ARID1B: variants seen among roughly 807,000 people sequenced by gnomAD.
ARID1B encodes AT-rich interaction domain 1B.
Under a neutral mutation model 212.3 loss-of-function variants are expected in ARID1B, and 30 were observed. That is an observed-to-expected ratio of 0.14 (90% CI 0.11 to 0.19). The LOEUF is 0.19. ARID1B is among the 10% of genes least tolerant of loss of function. ARID1B has a pLI of 1.00. For missense variants in ARID1B, 2,891 were observed against 3,204.0 expected, an observed-to-expected ratio of 0.90 and a Z score of 2.36; for synonymous variants, 1,402 against 1,301.7, an observed-to-expected ratio of 1.08 and a Z score of -1.66.
chr6:156,988,583 T>G (rs1162678750), intron 4 of ARID1B, among the ~76,000 whole-genome samples: 1 of 152,212 alleles, frequency 6.6e-6, no homozygotes, highest in African/African-American at 2.4e-5. Flanking sequence ...AGTTAAGGAC[T>G]GCCAGAGGAG....
intron 8 of ARID1B, among the ~76,000 whole-genome samples, chr6:157,159,236 A>G (rs1562312356): frequency 6.6e-6 from 1 of 152,270 alleles, no homozygotes; most frequent in Non-Finnish European, 1.5e-5. Flanking sequence ...CCGTAGTAGC[A>G]GAACAATGGG....
At chr6:156,915,434 C>T (rs1476299654) in intron 3 of ARID1B, among the ~76,000 whole-genome samples, 9 of 150,622 alleles carry the variant, frequency 6.0e-5, no homozygotes, top group South Asian at 4.2e-4. Flanking sequence ...CAGGTGTGGT[C>T]GCGCATGCCT....
At chr6:156,802,616 A>C (rs1664585435) in intron 1 of ARID1B, among the ~76,000 whole-genome samples, 1 of 152,196 alleles carries the variant, frequency 6.6e-6, no homozygotes, top group Non-Finnish European at 1.5e-5. Flanking sequence ...AGGATTTCTC[A>C]AGATCCCCAC....
chr6:157,161,196 G>T (rs188584712), intron 8 of ARID1B, among the ~76,000 whole-genome samples: 152 of 152,106 alleles, frequency 1.0e-3, no homozygotes, highest in Non-Finnish European at 1.8e-3. Flanking sequence ...ACTTTTACAC[G>T]AATCTACATT....
chr6:156,857,086 T>C (rs948276058), intron 2 of ARID1B, among the ~76,000 whole-genome samples: 11 of 152,160 alleles, frequency 7.2e-5, no homozygotes, highest in African/African-American at 2.4e-4. Context: ...TGTAGTAAGA[T>C]TTGTCTGTTT....
intron 2 of ARID1B, among the ~76,000 whole-genome samples, chr6:156,854,028 C>T (rs1784750047): frequency 6.6e-6 from 1 of 152,132 alleles, no homozygotes; most frequent in Non-Finnish European, 1.5e-5. Flanking sequence ...CACACTGTGC[C>T]CAGCCCTCCA....
Position 157,148,977 on chromosome 6 carries a change from G to A in ARID1B, c.3089+26G>A. The A allele has an allele frequency of 6.3e-7, 1 of 1,593,326 alleles. No homozygotes were observed. The highest frequency in any genetic ancestry group is 8.6e-7 in the Non-Finnish European group (1 of 1,168,412). Reference sequence around the variant, plus strand: ...GTACGCCACCCAGGAGCACGCCCCGGGCAGGTACGCTGTGTGTCTACCCGT... The same window carrying A: ...GTACGCCACCCAGGAGCACGCCCCGAGCAGGTACGCTGTGTGTCTACCCGT... On this transcript the variant is annotated intron_variant, in intron 8 of 19. Coordinates refer to ENST00000636930, the MANE Select transcript of ARID1B (RefSeq NM_001374828.1). The surrounding 1 kb of genome is among the most constrained non-coding windows in gnomAD (Gnocchi z 5.6).
chr6:157,010,312 T>G (rs1779514187), intron 4 of ARID1B, among the ~76,000 whole-genome samples: 1 of 146,092 alleles, frequency 6.8e-6, no homozygotes, highest in East Asian at 2.1e-4. Flanking sequence ...TTTGTTGTTG[T>G]TGTTGTTTTG....
rs118031116 is a variant in ARID1B at position 157,095,181 on chromosome 6, A to C, written c.2491+10276A>C. ...GAGCCCGAGAGTTTGCATTTCCAAT[A>C]ATTTCTAGTTCTGCTGAAGCTGCTG... On this transcript the variant is annotated intron_variant, in intron 5 of 19. Transcript: ENST00000636930. Among the ~76,000 whole-genome samples the C allele has an allele frequency of 1.8e-3, 277 of 152,240 alleles. 3 individuals are homozygous for C. Among genetic ancestry groups the C allele is most frequent in the Non-Finnish European group, 2.2e-3 (153 of 68,026 alleles).
chr6:156,913,841 C>A (rs192662861), intron 3 of ARID1B, among the ~76,000 whole-genome samples: 2 of 148,724 alleles, frequency 1.3e-5, no homozygotes, highest in African/African-American at 5.0e-5. Context: ...CACTTCCCAA[C>A]AACCAGCCAA....
chr6:157,111,820 A>G lies in ARID1B; in HGVS notation c.2581+1259A>G, dbSNP rs539753338. Among the ~76,000 whole-genome samples, 6 of 152,350 alleles carry G rather than the reference A, an allele frequency of 3.9e-5. No individual in the cohort carries two copies. In the East Asian group the frequency reaches 1.2e-3, roughly 29 times the overall value. ...GTATAGTCGATAATATAATGTTTTA[A>G]TAATGGAATAGTTCATGGTTTTTAA... On this transcript the variant is annotated intron_variant, in intron 6 of 19. Coordinates refer to ENST00000636930, the MANE Select transcript of ARID1B (RefSeq NM_001374828.1).
intron 3 of ARID1B, among the ~76,000 whole-genome samples, chr6:156,926,469 G>A (rs1026039473): frequency 6.6e-6 from 1 of 152,154 alleles, no homozygotes; most frequent in South Asian, 2.1e-4. Flanking sequence ...ATGAAAGCCA[G>A]AGTCAGTCTC....
chr6:157,034,529 T>C (rs1460061624), intron 4 of ARID1B, among the ~76,000 whole-genome samples: 1 of 152,256 alleles, frequency 6.6e-6, no homozygotes, highest in Non-Finnish European at 1.5e-5. Flanking sequence ...TATTGACTTT[T>C]CTGTTATTGT....
intron 3 of ARID1B, among the ~76,000 whole-genome samples, chr6:156,905,246 G>GCACACACACACA (rs1332724351): frequency 5.0e-4 from 38 of 76,044 alleles, no homozygotes; most frequent in African/African-American, 3.0e-3. Flanking sequence ...GCTCACATAT[G>GCACACACACACA]CACGCACACA....
At chr6:156,815,576 T>A (rs1781908171) in intron 1 of ARID1B, among the ~76,000 whole-genome samples, 1 of 152,214 alleles carries the variant, frequency 6.6e-6, no homozygotes, top group Non-Finnish European at 1.5e-5. Context: ...TGACAGCAAC[T>A]GCCTCCTGAA....
intron 7 of ARID1B, among the ~76,000 whole-genome samples, chr6:157,133,873 C>A (rs1254090936): frequency 6.6e-6 from 1 of 152,200 alleles, no homozygotes; most frequent in East Asian, 1.9e-4. Context: ...CAGATACACA[C>A]AGCATCCTTT....
chr6:157,020,485 CT>C (rs1416408214), intron 4 of ARID1B, among the ~76,000 whole-genome samples: 2 of 151,990 alleles, frequency 1.3e-5, no homozygotes, highest in African/African-American at 4.8e-5. Context: ...TTAACCCAAA[CT>C]TTAACTTTTT....
intron 1 of ARID1B, among the ~76,000 whole-genome samples, chr6:156,814,226 G>A (rs1781808101): frequency 6.6e-6 from 1 of 151,982 alleles, no homozygotes; most frequent in South Asian, 2.1e-4. Flanking sequence ...GACCAACCTG[G>A]GCAACATGGC....
intron 4 of ARID1B, among the ~76,000 whole-genome samples, chr6:157,075,361 C>CTT (rs1784237392): frequency 6.6e-6 from 1 of 152,268 alleles, no homozygotes; most frequent in Admixed American, 6.5e-5. Context: ...GAATTCTCTA[C>CTT]TTTTCTAAAG....
Sources: allele counts gnomAD v4.1 joint callset (sites outside exome capture counted in the v4.1 genomes callset), GRCh38; gene constraint gnomAD v4.1.1; non-coding constraint Gnocchi (gnomAD v3.1); transcripts MANE v1.5; gene names NCBI Gene and HGNC (gene_info 2026-07-23, HGNC 2026-07-21).